Variants in EEF1E1 observed in about 807,000 individuals in gnomAD.
EEF1E1 encodes eukaryotic translation elongation factor 1 epsilon 1, also known as eukaryotic translation elongation factor 1 epsilon-1.
Under a neutral mutation model 19.9 loss-of-function variants are expected in EEF1E1, and 19 were observed. The observed-to-expected ratio is 0.95, with a 90% CI of 0.66 to 1.40. EEF1E1 has a LOEUF of 1.40. Among genes scored for constraint, EEF1E1 ranks in the 40% most tolerant of loss-of-function variants. The pLI is 0.00. For synonymous variants in EEF1E1, 81 were observed against 80.0 expected (o/e 1.01, Z -0.07); for missense variants, 198 against 202.2 (o/e 0.98, Z 0.13).
chr6:8,077,891 AGG>A (rs1561879915), downstream of EEF1E1, among the ~76,000 whole-genome samples: 12 of 152,316 alleles, frequency 7.9e-5, no homozygotes, highest in Middle Eastern at 3.4e-3. Context: ...TCCCAGGCTC[AGG>A]TGATCCTCCC....
exon 4 of EEF1E1, chr6:8,073,360 T>G: frequency 7.0e-7 from 1 of 1,422,506 alleles, no homozygotes; most frequent in Middle Eastern, 1.8e-4. Context: ...ATTCCACAAG[T>G]TAATTAAGCA....
chr6:8,079,883 A>G lies in EEF1E1; in HGVS notation c.*7T>C, dbSNP rs777966881. 9.9e-6 allele frequency: 16 copies of G among 1,610,520 alleles called. No homozygotes were observed. Among genetic ancestry groups the G allele is most frequent in the Non-Finnish European group, 8.5e-7 (1 of 1,178,968 alleles). On this transcript the variant is annotated 3_prime_UTR_variant, in exon 4 of 4. Coordinates refer to ENST00000379715, the MANE Select transcript of EEF1E1 (RefSeq NM_004280.5). ...TTAATAGATCTTCTGTATGGCATGG[A>G]CAGCTTCTAGTGGGAATTAGTATAT...
intron 3 of EEF1E1, among the ~76,000 whole-genome samples, chr6:8,083,016 T>C (rs1284474833): frequency 6.6e-6 from 1 of 152,242 alleles, no homozygotes; most frequent in Admixed American, 6.5e-5. Flanking sequence ...AATGCAATTG[T>C]TCTAGTTGCC....
At chr6:8,081,110 A>G (rs1490854556) in intron 3 of EEF1E1, among the ~76,000 whole-genome samples, 1 of 152,236 alleles carries the variant, frequency 6.6e-6, no homozygotes, top group East Asian at 1.9e-4. Flanking sequence ...TTTCTCATTA[A>G]ATGTTTATTT....
chr6:8,079,365 G>T, downstream of EEF1E1: 1 of 978,742 alleles, frequency 1.0e-6, no homozygotes, highest in Non-Finnish European at 1.2e-6. Flanking sequence ...AATGAGTACT[G>T]ACTACAGAAA....
At chr6:8,082,357 A>G (rs1561881554) in intron 3 of EEF1E1, among the ~76,000 whole-genome samples, 1 of 152,182 alleles carries the variant, frequency 6.6e-6, no homozygotes, top group Non-Finnish European at 1.5e-5. Flanking sequence ...GGCTCACTGC[A>G]ACCTCCACTT....
chr6:8,089,603 T>C (rs555667474), intron 3 of EEF1E1, among the ~76,000 whole-genome samples: 1 of 152,198 alleles, frequency 6.6e-6, no homozygotes, highest in Admixed American at 6.5e-5. Flanking sequence ...CCCACCCAGA[T>C]TAAGGTTGGG....
At chr6:8,091,727 A>G (rs1443419201) in intron 2 of EEF1E1, among the ~76,000 whole-genome samples, 2 of 152,198 alleles carry the variant, frequency 1.3e-5, no homozygotes, top group African/African-American at 4.8e-5. Context: ...ACCTTCAGAG[A>G]AAGGTTTTGT....
At chr6:8,099,791 C>A (rs9406093) in intron 1 of EEF1E1, among the ~76,000 whole-genome samples, 42,235 of 112,370 alleles carry the variant, frequency 0.38, 8,937 homozygotes, top group African/African-American at 0.52. Flanking sequence ...CACACACACA[C>A]AAAAAAAAAA....
intron 2 of EEF1E1, among the ~76,000 whole-genome samples, chr6:8,096,956 T>A (rs951894953): frequency 2.0e-5 from 3 of 152,144 alleles, no homozygotes; most frequent in African/African-American, 7.2e-5. Flanking sequence ...AAAAAAGTCA[T>A]ATAATACTGT....
At chr6:8,101,246 ATATATAT>A (rs1561647165) in intron 1 of EEF1E1, among the ~76,000 whole-genome samples, 4,779 of 46,982 alleles carry the variant, frequency 0.1, 688 homozygotes, top group Non-Finnish European at 0.13. Flanking sequence ...AAAAAAAAAT[ATATATAT>A]ATATATATAT....
At position 8,079,606 on chromosome 6, in the gene EEF1E1, C is replaced by A; in HGVS notation, c.*284G>T. The A allele has an allele frequency of 9.3e-7, 1 of 1,071,830 alleles. No individual in the cohort carries two copies. The highest frequency in any genetic ancestry group is 6.1e-5 in the East Asian group (1 of 16,358). The allele number at this position is 1,071,830 out of a possible 1,614,324, so 66.4% of individuals were successfully genotyped here. ...ATGACCACCAATTTTAAGATTAAGC[C>A]CGATTTGCAACTTTTATTGAAATAA... On this transcript the variant is annotated 3_prime_UTR_variant, in exon 4 of 4. Transcript: ENST00000379715.
chr6:8,085,727 G>A (rs1469732498), intron 3 of EEF1E1, among the ~76,000 whole-genome samples: 1 of 152,188 alleles, frequency 6.6e-6, no homozygotes. Flanking sequence ...CTTATCATAA[G>A]CTTTCCAAAA....
intron 2 of EEF1E1, among the ~76,000 whole-genome samples, chr6:8,092,808 T>C (rs1758049353): frequency 1.3e-5 from 2 of 152,076 alleles, no homozygotes; most frequent in Admixed American, 6.6e-5. Context: ...ATAACAGTTT[T>C]GTATATTTTT....
chr6:8,080,160 C>T (rs1412332275), intron 3 of EEF1E1, 130 bp from the exon 4 acceptor site: 1 of 979,232 alleles, frequency 1.0e-6, no homozygotes, highest in Non-Finnish European at 1.5e-6. Flanking sequence ...CAAAAGCCAA[C>T]ATATTCAGAT....
intron 2 of EEF1E1, among the ~76,000 whole-genome samples, chr6:8,092,868 G>GTTTTTTTTTTTTTTTTTTTT (rs1554099258): frequency 1.8e-5 from 2 of 108,194 alleles, no homozygotes; most frequent in African/African-American, 7.5e-5. Flanking sequence ...GATAAAGACT[G>GTTTTTTTTTTTTTTTTTTTT]CTTTTTTTTT....
At chr6:8,099,791 C>CACACACACACACACAA (rs768224090) in intron 1 of EEF1E1, among the ~76,000 whole-genome samples, 6 of 114,690 alleles carry the variant, frequency 5.2e-5, no homozygotes, top group African/African-American at 1.7e-4. Context: ...CACACACACA[C>CACACACACACACACAA]AAAAAAAAAA....
At chr6:8,101,694 T>C in intron 1 of EEF1E1, 1 of 1,239,430 alleles carries the variant, frequency 8.1e-7, no homozygotes, top group African/African-American at 1.6e-5. Flanking sequence ...CCTTCTCTAA[T>C]ACATTCCTTC....
In EEF1E1 at chr6:8,090,995, T is replaced by C. The variant is rs142311700; in HGVS notation, c.289-714A>G. ...TGTAATGCTGCTGTGAACAGGAGCG[T>C]ACAAACATCTCTTCAAAACCATGCT... is the stretch of plus-strand genomic sequence containing the variant. On this transcript the variant is annotated intron_variant, in intron 2 of 3. Transcript: ENST00000379715. 5.0e-3 allele frequency among the ~76,000 whole-genome samples: 762 copies of C among 152,348 alleles called. 11 individuals carry two copies. The highest frequency in any genetic ancestry group is 0.018 in the African/African-American group (730 of 41,586).
Sources: allele counts gnomAD v4.1 joint callset (sites outside exome capture counted in the v4.1 genomes callset), GRCh38; gene constraint gnomAD v4.1.1; transcripts MANE v1.5; gene names NCBI Gene and HGNC (gene_info 2026-07-23, HGNC 2026-07-21).